CTNNA3: variants seen among roughly 807,000 people sequenced by gnomAD.
CTNNA3 encodes the protein catenin alpha 3.
Under a neutral mutation model 95.7 loss-of-function variants are expected in CTNNA3, and 76 were observed. The observed-to-expected ratio is 0.79, with a 90% CI of 0.66 to 0.96. The LOEUF is 0.96. Among genes scored for constraint, CTNNA3 ranks in the 40% least tolerant of loss-of-function variants. The pLI is 0.00. For missense variants in CTNNA3, 1,191 were observed against 1,089.8 expected, an observed-to-expected ratio of 1.09 and a Z score of -1.31; for synonymous variants, 431 against 374.4, an observed-to-expected ratio of 1.15 and a Z score of -1.74.
At chr10:67,048,378 C>G (rs1449296942) in intron 7 of CTNNA3, among the ~76,000 whole-genome samples, 1 of 152,000 alleles carries the variant, frequency 6.6e-6, no homozygotes, top group African/African-American at 2.4e-5. Flanking sequence ...AGATAAATTC[C>G]TTACATGATG....
At chr10:66,824,046 C>CTTTT (rs57827121) in intron 7 of CTNNA3, among the ~76,000 whole-genome samples, 1 of 147,406 alleles carries the variant, frequency 6.8e-6, no homozygotes, top group African/African-American at 2.5e-5. Flanking sequence ...ATGCCATACT[C>CTTTT]TTTTTTTTTT....
chr10:66,920,186 A>C (rs1925583), intron 7 of CTNNA3, among the ~76,000 whole-genome samples: 61,878 of 152,042 alleles, frequency 0.41, 12,964 homozygotes, highest in Non-Finnish European at 0.46. Context: ...GATTGCAGAA[A>C]TATCTGTAAC....
chr10:67,566,658 A>G (rs1192529291), intron 3 of CTNNA3, among the ~76,000 whole-genome samples: 2 of 152,140 alleles, frequency 1.3e-5, no homozygotes, highest in Non-Finnish European at 2.9e-5. Context: ...TGACCCAGCC[A>G]TCCCATTACT....
chr10:67,188,501 T>C (rs1007643880), intron 6 of CTNNA3, among the ~76,000 whole-genome samples: 1 of 152,136 alleles, frequency 6.6e-6, no homozygotes, highest in Non-Finnish European at 1.5e-5. Flanking sequence ...GTAATCTTGA[T>C]GACAAAGATG....
intron 9 of CTNNA3, among the ~76,000 whole-genome samples, chr10:66,752,289 C>G (rs1303075867): frequency 1.3e-5 from 2 of 152,096 alleles, no homozygotes; most frequent in Admixed American, 1.3e-4. Flanking sequence ...CATACCCACA[C>G]ATATAGGCCA....
intron 9 of CTNNA3, among the ~76,000 whole-genome samples, chr10:66,642,255 TACACACACACACACACACACACAA>T (rs72191573): frequency 0.31 from 35,481 of 114,606 alleles, 5,267 homozygotes; most frequent in East Asian, 0.59. Flanking sequence ...TTCTTTAAAA[TACACACACACACACACACACACAA>T]ACACACACAC....
intron 13 of CTNNA3, among the ~76,000 whole-genome samples, chr10:66,119,079 A>AT (rs2082460034): frequency 1.3e-5 from 2 of 152,060 alleles, no homozygotes; most frequent in Admixed American, 1.3e-4. Flanking sequence ...TAAAACATTG[A>AT]TTTTTATTAA....
intron 13 of CTNNA3, among the ~76,000 whole-genome samples, chr10:66,250,073 A>C (rs954335463): frequency 1.2e-4 from 18 of 152,326 alleles, no homozygotes; most frequent in South Asian, 4.1e-4. Flanking sequence ...CATAAAAATG[A>C]ATAAGATCCT....
chr10:66,246,915 T>C (rs936365869), intron 13 of CTNNA3, among the ~76,000 whole-genome samples: 1 of 151,682 alleles, frequency 6.6e-6, no homozygotes, highest in Non-Finnish European at 1.5e-5. Context: ...TAGCCAGATG[T>C]AGTGGTGGGT....
intron 9 of CTNNA3, among the ~76,000 whole-genome samples, chr10:66,636,424 T>TAC (rs1845339844): frequency 6.6e-6 from 1 of 151,982 alleles, no homozygotes; most frequent in Non-Finnish European, 1.5e-5. Context: ...TTTTTTTAAA[T>TAC]ATATATTATT....
At chr10:67,711,211 A>T (rs1471076286) in intron 1 of CTNNA3, among the ~76,000 whole-genome samples, 1 of 152,198 alleles carries the variant, frequency 6.6e-6, no homozygotes, top group African/African-American at 2.4e-5. Context: ...GTGGACTAAT[A>T]AAGTAAATTG....
At chr10:67,480,731 CTGTT>C (rs931890798) in intron 5 of CTNNA3, among the ~76,000 whole-genome samples, 2 of 152,282 alleles carry the variant, frequency 1.3e-5, no homozygotes, top group East Asian at 1.9e-4. Context: ...GGGTCAAACT[CTGTT>C]TGAGGCTCTC....
intron 10 of CTNNA3, among the ~76,000 whole-genome samples, chr10:66,601,229 C>T (rs780260670): frequency 6.6e-6 from 1 of 151,656 alleles, no homozygotes; most frequent in African/African-American, 2.4e-5. Context: ...TGTTCAAAAG[C>T]AGATTCATGA....
At chr10:66,923,989 ATTATAAGTG>A (rs1846929981) in intron 7 of CTNNA3, among the ~76,000 whole-genome samples, 1 of 152,238 alleles carries the variant, frequency 6.6e-6, no homozygotes, top group African/African-American at 2.4e-5. Context: ...ACATCTCAGT[ATTATAAGTG>A]TGCAAACCCT....
At chr10:66,283,289 G>C (rs536194166) in intron 12 of CTNNA3, among the ~76,000 whole-genome samples, 1 of 151,732 alleles carries the variant, frequency 6.6e-6, no homozygotes, top group South Asian at 2.1e-4. Context: ...GGGACCTGTC[G>C]GCTACATAAC....
At chr10:66,560,489 G>A (rs1241060031) in intron 10 of CTNNA3, among the ~76,000 whole-genome samples, 1 of 151,946 alleles carries the variant, frequency 6.6e-6, no homozygotes. Context: ...TGCAGAAGGT[G>A]TTGCAACACA....
At chr10:67,424,891 C>G (rs762171194) in intron 5 of CTNNA3, among the ~76,000 whole-genome samples, 2 of 152,118 alleles carry the variant, frequency 1.3e-5, no homozygotes, top group Non-Finnish European at 2.9e-5. Flanking sequence ...GGTCTGCTAA[C>G]TTTCCCACTT....
chr10:67,705,057 G>A (rs1230854311), intron 1 of CTNNA3, among the ~76,000 whole-genome samples: 1 of 152,126 alleles, frequency 6.6e-6, no homozygotes, highest in Non-Finnish European at 1.5e-5. Flanking sequence ...TCAGAGAAAT[G>A]CAAATCAAAA....
chr10:67,555,909 T>C (rs544619738), intron 3 of CTNNA3, among the ~76,000 whole-genome samples: 2 of 152,336 alleles, frequency 1.3e-5, no homozygotes, highest in South Asian at 2.1e-4. Context: ...ATAGCTCTTA[T>C]TATTTTGAGA....
Sources: gnomAD v4.1 joint callset for allele counts (sites outside exome capture counted in the v4.1 genomes callset) on GRCh38, gnomAD v4.1.1 for gene constraint, MANE v1.5 for transcripts, NCBI Gene and HGNC (gene_info 2026-07-23, HGNC 2026-07-21) for gene names.